Variants in FAM131B observed in about 807,000 individuals in gnomAD.
The protein encoded by FAM131B is protein FAM131B.
A neutral mutation model predicts 42.0 loss-of-function variants in FAM131B; 19 were observed. The observed-to-expected ratio is 0.45, with a 90% CI of 0.32 to 0.66. The LOEUF is 0.66. Among genes scored for constraint, FAM131B ranks in the 30% least tolerant of loss-of-function variants. FAM131B has a pLI of 0.05. For synonymous variants in FAM131B, 183 were observed against 177.6 expected, an observed-to-expected ratio of 1.03 and a Z score of -0.24; for missense variants, 370 against 468.4, an observed-to-expected ratio of 0.79 and a Z score of 1.94.
chr7:143,357,422 G>A lies in FAM131B; in HGVS notation c.468C>T (p.Gly156=), dbSNP rs375068827. The change falls in exon 6 of 7, where the codon GGC becomes GGT. Residue 156 remains glycine, a splice_region_variant and synonymous_variant. Transcript: ENST00000443739. ...DGEKEARFLA[G]VMEQFAISEA... ...CAGAGATAGCAAACTGCTCCATGAC[G>A]CCTGGGGGAAGAAATGCAACAACCA... 45 of 1,604,708 alleles carry A rather than the reference G, an allele frequency of 2.8e-5. No individual in the cohort carries two copies. The highest frequency in any genetic ancestry group is 1.1e-4 in the South Asian group (10 of 89,582).
the FAM131B span, among the ~76,000 whole-genome samples, chr7:143,371,910 G>A: frequency 0.47 from 71,954 of 152,080 alleles, 17,809 homozygotes; most frequent in Middle Eastern, 0.55. Flanking sequence ...TGGGAGATGA[G>A]GCCAGAGAGC....
chr7:143,365,556 A>G (rs939559731), upstream of FAM131B, among the ~76,000 whole-genome samples: 3 of 152,164 alleles, frequency 2.0e-5, no homozygotes, highest in South Asian at 2.1e-4. Flanking sequence ...TTTCCCTAAG[A>G]TTTCCCAGTT....
chr7:143,381,770 C>T, the FAM131B span: 1,164 of 1,575,378 alleles, frequency 7.4e-4, 6 homozygotes, highest in South Asian at 4.7e-3. Flanking sequence ...TCCCCCGCCG[C>T]CCCCGGAAGG....
rs1803694902 is a variant in FAM131B, at chr7:143,357,026, G to C, written c.611-4C>G. The C allele has an allele frequency of 8.1e-6, 13 of 1,604,460 alleles. No individual in the cohort carries two copies. The highest frequency in any genetic ancestry group is 1.0e-5 in the Non-Finnish European group (12 of 1,172,038). On this transcript the variant is annotated splice_region_variant and splice_polypyrimidine_tract_variant and intron_variant, in intron 6 of 6. Coordinates refer to ENST00000443739, the MANE Select transcript of FAM131B (RefSeq NM_001031690.3). ...ATGGGTGCTTGAGCCAGGGCATCTG[G>C]AAAAAGAATCATGGAGGTCAGTGGG... is the stretch of plus-strand genomic sequence containing the variant.
At chr7:143,361,595 G>A (rs1246527626) in intron 1 of FAM131B, 3 of 151,312 alleles carry the variant, frequency 2.0e-5, no homozygotes, top group East Asian at 2.0e-4. Context: ...AGGTGTAGGC[G>A]GGAGAAATTG....
rs780846596 is a variant in FAM131B, at chr7:143,357,389, T to A, written c.501A>T (p.Thr167=). 6.2e-7 allele frequency: 1 copy of A among 1,611,994 alleles called. No homozygotes were observed. The highest frequency in any genetic ancestry group is 8.5e-7 in the Non-Finnish European group (1 of 1,178,916). ...CATCCATGGAAGACCAGGCCATGAG[T>A]GTGGCCTCAGAGATAGCAAACTGCT... ...VMEQFAISEA[T]LMAWSSMDGE... is the part of the protein sequence containing the mutation. Residue 167 remains threonine (T), a synonymous_variant, in exon 6 of 7, where the codon ACA becomes ACT. Transcript: ENST00000443739.
At chr7:143,376,514 G>T in the FAM131B span, among the ~76,000 whole-genome samples, 1 of 152,222 alleles carries the variant, frequency 6.6e-6, no homozygotes, top group Non-Finnish European at 1.5e-5. Context: ...GTGGGCATTT[G>T]TGGTTGTCAG....
Position 143,353,801 on chromosome 7 carries a change from C to A in FAM131B, c.*2749G>T, listed in dbSNP as rs1323485878. The A allele has an allele frequency of 6.6e-6, 1 of 151,544 alleles. No individual in the cohort carries two copies. Among genetic ancestry groups the A allele is most frequent in the Non-Finnish European group, 1.5e-5 (1 of 67,892 alleles). 9.4% of individuals were successfully genotyped at this position (151,544 alleles called of 1,614,324 possible). A position where few individuals can be genotyped will look rare whatever the true frequency, so the allele number is the denominator to read the frequency against. ...GGAAGGTGTGTGGTGGGGGAGGGGA[C>A]AATGGAGGGGGAGGAGTGGAAGATT... On this transcript the variant is annotated 3_prime_UTR_variant, in exon 7 of 7. Transcript: ENST00000443739.
intron 6 of FAM131B, 66 bp from the exon 7 acceptor site, chr7:143,357,088 C>T (rs1803700900): frequency 1.6e-5 from 21 of 1,279,068 alleles, no homozygotes; most frequent in African/African-American, 2.9e-5. Context: ...ACAGCACAGA[C>T]AGCACAAGAG....
chr7:143,381,978 C>T, the FAM131B span: 21 of 638,332 alleles, frequency 3.3e-5, no homozygotes, highest in Non-Finnish European at 5.5e-5. Context: ...AGTCCCCCGC[C>T]TGGGAGTGGG....
In FAM131B at chr7:143,362,051, G is replaced by C. The variant is rs944489838; in HGVS notation, c.28+525C>G. On this transcript the variant is annotated intron_variant, in intron 1 of 6. Coordinates refer to ENST00000443739, the MANE Select transcript of FAM131B (RefSeq NM_001031690.3). The surrounding 1 kb of genome is among the most constrained non-coding windows in gnomAD (Gnocchi z 7.7). ...CGAATCGGAGGAGGCAGGAACGACA[G>C]TAAAAGGCAACGGAGAGGGAGAGAG... The C allele has an allele frequency of 1.0e-6, 1 of 985,182 alleles. No homozygotes were observed. The highest frequency in any genetic ancestry group is 1.7e-5 in the African/African-American group (1 of 57,258). The allele number at this position is 985,182 out of a possible 1,614,324, so 61.0% of individuals were successfully genotyped here.
chr7:143,364,811 A>G (rs991166497), upstream of FAM131B, among the ~76,000 whole-genome samples: 1 of 152,236 alleles, frequency 6.6e-6, no homozygotes, highest in African/African-American at 2.4e-5. Flanking sequence ...CCAGGGCACA[A>G]AAAAAGTTTA....
chr7:143,356,921 ACTG>A lies in FAM131B; in HGVS notation c.709_711del (p.Gln237del). 3 of 1,614,070 alleles carry A rather than the reference ACTG, an allele frequency of 1.9e-6. No individual in the cohort carries two copies. Among genetic ancestry groups the A allele is most frequent in the Non-Finnish European group, 2.5e-6 (3 of 1,180,008 alleles). On this transcript the variant is annotated inframe_deletion, in exon 7 of 7. Coordinates refer to ENST00000443739, the MANE Select transcript of FAM131B (RefSeq NM_001031690.3). This position sits in a 1 kb window ranked among gnomAD's most constrained non-coding sequence, Gnocchi z 4.4. ...CCTGTGGCCGGAGAGGCAATGAGGG[ACTG>A]ATCGCTGGCTTCCCAGGCATCTGAC...
At chr7:143,373,631 A>G in the FAM131B span, among the ~76,000 whole-genome samples, 4 of 152,112 alleles carry the variant, frequency 2.6e-5, no homozygotes, top group Admixed American at 2.6e-4. Flanking sequence ...TAAGAAGGAG[A>G]GAGGATGCTC....
the FAM131B span, chr7:143,382,044 C>T: frequency 5.0e-6 from 3 of 604,976 alleles, no homozygotes; most frequent in South Asian, 4.3e-5. Flanking sequence ...CGAAGTGTAA[C>T]GGGAGCTGCA....
chr7:143,367,076 A>G (rs1804197162), upstream of FAM131B, among the ~76,000 whole-genome samples: 1 of 152,130 alleles, frequency 6.6e-6, no homozygotes, highest in Non-Finnish European at 1.5e-5. Flanking sequence ...CTAGTGGTCG[A>G]TATAGTTCTC....
intron 1 of FAM131B, chr7:143,361,626 T>C (rs1323140965): frequency 1.7e-4 from 2 of 12,118 alleles, no homozygotes; most frequent in African/African-American, 7.1e-4. Flanking sequence ...AGGGGAAGAA[T>C]GGGGGAGGGG....
chr7:143,358,166 GC>G lies in FAM131B; in HGVS notation c.466+660del, dbSNP rs1391996849. Among the ~76,000 whole-genome samples, 4 of 152,038 alleles carry G rather than the reference GC, an allele frequency of 2.6e-5. No individual in the cohort carries two copies. Among genetic ancestry groups the G allele is most frequent in the Non-Finnish European group, 5.9e-5 (4 of 68,004 alleles). ...GCGTGTTGAAGCTGGTACTGCTCCTGCCCCCCACCCTACATGTTTGTCACCC... is the reference window on the plus strand; with the variant it reads ...GCGTGTTGAAGCTGGTACTGCTCCTGCCCCCACCCTACATGTTTGTCACCC... On this transcript the variant is annotated intron_variant, in intron 5 of 6. Transcript: ENST00000443739. This position sits in a 1 kb window ranked among gnomAD's most constrained non-coding sequence, Gnocchi z 4.7.
At chr7:143,381,277 C>A in the FAM131B span, 9 of 1,067,720 alleles carry the variant, frequency 8.4e-6, no homozygotes, top group African/African-American at 1.5e-4. Flanking sequence ...CCCGCCCCCT[C>A]TCTTCTCCCT....
Sources: gnomAD v4.1 joint callset for allele counts (sites outside exome capture counted in the v4.1 genomes callset) on GRCh38, gnomAD v4.1.1 for gene constraint, Gnocchi (gnomAD v3.1) non-coding constraint, MANE v1.5 for transcripts, NCBI Gene and HGNC (gene_info 2026-07-23, HGNC 2026-07-21) for gene names.